Variants in ARHGAP32 observed in about 807,000 individuals in gnomAD.
The protein encoded by ARHGAP32 is Rho GTPase activating protein 32.
In ARHGAP32, 51 loss-of-function variants were observed where a neutral mutation model predicts 186.5. That is an observed-to-expected ratio of 0.27 (90% CI 0.22 to 0.35). The LOEUF is 0.35. Ranked by LOEUF, ARHGAP32 falls within the 10% of genes least tolerant of loss-of-function variation. The pLI is 1.00. For missense variants in ARHGAP32, 2,186 were observed against 2,623.5 expected, an observed-to-expected ratio of 0.83 and a Z score of 3.64; for synonymous variants, 950 against 964.3, an observed-to-expected ratio of 0.99 and a Z score of 0.27.
At chr11:129,204,717 C>T (rs1389627711) in intron 1 of ARHGAP32, among the ~76,000 whole-genome samples, 1 of 152,160 alleles carries the variant, frequency 6.6e-6, no homozygotes, top group East Asian at 1.9e-4. Flanking sequence ...GACTAGTTTA[C>T]TTAAAGTACT....
intron 1 of ARHGAP32, among the ~76,000 whole-genome samples, chr11:129,273,782 A>G (rs1242245729): frequency 6.6e-6 from 1 of 152,218 alleles, no homozygotes; most frequent in Non-Finnish European, 1.5e-5. Context: ...CAAGGCTGAA[A>G]TCCAAATAAG....
In ARHGAP32 at chr11:129,233,324, T is replaced by TGC. The variant is rs1944883985; in HGVS notation, c.-5+45821_-5+45822insGC. Reference sequence around the variant, plus strand: ...AAACTAAGTGGGGGGTACATAGGAGTTTATTATATTCTACATTTACTTTTG... The same window carrying TGC: ...AAACTAAGTGGGGGGTACATAGGAGTGCTTATTATATTCTACATTTACTTTTG... On this transcript the variant is annotated intron_variant, in intron 1 of 6. Transcript: ENST00000525234. 2.0e-5 allele frequency among the ~76,000 whole-genome samples: 3 copies of TGC among 151,602 alleles called. No homozygotes were observed. The East Asian group carries it at 5.8e-4, about 29-fold the overall frequency.
At chr11:129,218,603 G>A (rs1335389976) in intron 1 of ARHGAP32, among the ~76,000 whole-genome samples, 1 of 152,108 alleles carries the variant, frequency 6.6e-6, no homozygotes, top group African/African-American at 2.4e-5. Flanking sequence ...AAGGAGGCAG[G>A]AGAGATGAGA....
intron 1 of ARHGAP32, among the ~76,000 whole-genome samples, chr11:129,230,899 C>G (rs1481609507): frequency 4.6e-5 from 7 of 152,134 alleles, no homozygotes; most frequent in Non-Finnish European, 8.8e-5. Flanking sequence ...CTTTGGGAGG[C>G]CAAGGTGGGC....
chr11:129,216,012 T>C (rs968902626), intron 1 of ARHGAP32, among the ~76,000 whole-genome samples: 1 of 151,936 alleles, frequency 6.6e-6, no homozygotes, highest in African/African-American at 2.4e-5. Context: ...GAGGCAGAAA[T>C]TGGAACGACA....
intron 5 of ARHGAP32, among the ~76,000 whole-genome samples, chr11:129,107,868 CAAAAAAAAAAAAA>C (rs71057924): frequency 8.6e-5 from 8 of 93,392 alleles, no homozygotes; most frequent in South Asian, 3.9e-4. Flanking sequence ...AACTATGTTT[CAAAAAAAAAAAAA>C]AAAAAAAAAA....
chr11:129,022,620 G>T (rs1938644073), intron 11 of ARHGAP32, among the ~76,000 whole-genome samples: 1 of 152,130 alleles, frequency 6.6e-6, no homozygotes, highest in Admixed American at 6.5e-5. Flanking sequence ...TACATGAAGT[G>T]TATGTGCCAA....
At chr11:129,177,307 C>T (rs893968005) in intron 1 of ARHGAP32, among the ~76,000 whole-genome samples, 1 of 151,996 alleles carries the variant, frequency 6.6e-6, no homozygotes, top group African/African-American at 2.4e-5. Context: ...AGCTTACCAA[C>T]CAAAAAGAGT....
chr11:128,976,664 A>C, intron 19 of ARHGAP32, 30 bp from the exon 20 acceptor site: 1 of 1,575,192 alleles, frequency 6.3e-7, no homozygotes, highest in Admixed American at 1.7e-5. Flanking sequence ...TAGTGTGAAG[A>C]TTTCTTATTT....
chr11:129,058,219 A>ATT (rs1940337467), intron 10 of ARHGAP32, among the ~76,000 whole-genome samples: 1 of 80,700 alleles, frequency 1.2e-5, no homozygotes. Flanking sequence ...ACACACACAC[A>ATT]CACTCTCTCT....
intron 11 of ARHGAP32, among the ~76,000 whole-genome samples, chr11:129,034,674 G>A (rs958654462): frequency 2.0e-5 from 3 of 150,232 alleles, no homozygotes; most frequent in Admixed American, 6.6e-5. Context: ...ACATAGCAGA[G>A]TGAGGAATCA....
chr11:129,058,092 C>G (rs757612394), intron 10 of ARHGAP32, among the ~76,000 whole-genome samples: 3 of 151,898 alleles, frequency 2.0e-5, no homozygotes, highest in Non-Finnish European at 2.9e-5. Flanking sequence ...CAGTACCTAA[C>G]AGACCAATTA....
At chr11:128,979,938 G>A (rs568380019) in intron 18 of ARHGAP32, among the ~76,000 whole-genome samples, 1 of 152,326 alleles carries the variant, frequency 6.6e-6, no homozygotes, top group Non-Finnish European at 1.5e-5. Flanking sequence ...CATTGAAAGA[G>A]TGAACTGCTG....
At chr11:129,043,720 C>T (rs956615169) in intron 10 of ARHGAP32, among the ~76,000 whole-genome samples, 9 of 151,924 alleles carry the variant, frequency 5.9e-5, no homozygotes, top group African/African-American at 2.2e-4. Flanking sequence ...GAATTGCTTG[C>T]ATATTTCTTC....
chr11:129,195,144 T>C (rs1390080382), upstream of ARHGAP32, among the ~76,000 whole-genome samples: 1 of 151,886 alleles, frequency 6.6e-6, no homozygotes, highest in African/African-American at 2.4e-5. Flanking sequence ...ATTTTTGTTG[T>C]TGTTGTTGTA....
At chr11:129,087,576 T>C (rs1941443606) in intron 6 of ARHGAP32, among the ~76,000 whole-genome samples, 1 of 152,160 alleles carries the variant, frequency 6.6e-6, no homozygotes, top group Non-Finnish European at 1.5e-5. Flanking sequence ...TCAGTGGTTG[T>C]CAGGGGTTAG....
intron 1 of ARHGAP32, among the ~76,000 whole-genome samples, chr11:129,266,385 T>C (rs956489859): frequency 3.9e-5 from 6 of 152,166 alleles, no homozygotes; most frequent in African/African-American, 1.4e-4. Flanking sequence ...ATAAAGCACC[T>C]GATACTGGTA....
In ARHGAP32 at chr11:129,123,645, A is replaced by T; in HGVS notation, c.360-115T>A. On this transcript the variant is annotated intron_variant, in intron 4 of 22. Coordinates refer to ENST00000682385, the MANE Select transcript of ARHGAP32 (RefSeq NM_001378024.1). The surrounding 1 kb of genome is among the most constrained non-coding windows in gnomAD (Gnocchi z 4.6). ...ATGCAAGCAAAAATATTTCGTAAGCACATGCGCATGAGCCACACATATCCG... is the reference window on the plus strand; with the variant it reads ...ATGCAAGCAAAAATATTTCGTAAGCTCATGCGCATGAGCCACACATATCCG... 1 of 922,356 alleles carries T rather than the reference A, an allele frequency of 1.1e-6. No individual in the cohort carries two copies. The highest frequency in any genetic ancestry group is 2.6e-5 in the East Asian group (1 of 37,844). 57.1% of individuals were successfully genotyped at this position (922,356 alleles called of 1,614,324 possible).
At chr11:129,076,507 G>C (rs1941048728) in intron 6 of ARHGAP32, among the ~76,000 whole-genome samples, 1 of 152,042 alleles carries the variant, frequency 6.6e-6, no homozygotes, top group South Asian at 2.1e-4. Context: ...TAAACTATTA[G>C]TCAATAATAG....
Sources: allele counts gnomAD v4.1 joint callset (sites outside exome capture counted in the v4.1 genomes callset), GRCh38; gene constraint gnomAD v4.1.1; non-coding constraint Gnocchi (gnomAD v3.1); transcripts MANE v1.5; gene names NCBI Gene and HGNC (gene_info 2026-07-23, HGNC 2026-07-21).